Variants in ZBTB20 observed in about 807,000 individuals in gnomAD.
ZBTB20 encodes the protein zinc finger and BTB domain containing 20.
ZBTB20 carries 9 observed loss-of-function variants against 56.9 expected under a neutral mutation model. The observed-to-expected ratio is 0.16, with a 90% CI of 0.10 to 0.28. The LOEUF is 0.28. Among genes scored for constraint, ZBTB20 ranks in the 10% least tolerant of loss-of-function variants. ZBTB20 has a pLI of 1.00. For synonymous variants in ZBTB20, 417 were observed against 420.7 expected (o/e 0.99, Z 0.11); for missense variants, 655 against 1,003.0 (o/e 0.65, Z 4.69).
At chr3:114,721,680 G>A (rs1434347894) in intron 5 of ZBTB20, among the ~76,000 whole-genome samples, 3 of 152,122 alleles carry the variant, frequency 2.0e-5, no homozygotes, top group African/African-American at 7.2e-5. Context: ...TGACTCCAGA[G>A]CCTGTTCTCC....
chr3:114,441,421 A>C (rs571204901), intron 7 of ZBTB20, among the ~76,000 whole-genome samples: 1 of 152,140 alleles, frequency 6.6e-6, no homozygotes. Context: ...AATGTTTGCT[A>C]TGTGAAACTG....
At chr3:114,484,836 T>C (rs2041944771) in intron 7 of ZBTB20, among the ~76,000 whole-genome samples, 1 of 152,152 alleles carries the variant, frequency 6.6e-6, no homozygotes, top group African/African-American at 2.4e-5. Flanking sequence ...CATGTGTGTG[T>C]GTGCGTGAGT....
intron 6 of ZBTB20, among the ~76,000 whole-genome samples, chr3:114,662,467 G>A (rs1193405189): frequency 1.0e-4 from 15 of 146,124 alleles, no homozygotes; most frequent in Non-Finnish European, 1.5e-5. Flanking sequence ...CTAGATCCCT[G>A]AGGAATCGCC....
intron 1 of ZBTB20, among the ~76,000 whole-genome samples, chr3:115,145,826 T>C (rs1176465864): frequency 6.6e-6 from 1 of 152,218 alleles, no homozygotes; most frequent in Non-Finnish European, 1.5e-5. Flanking sequence ...TGTCTACAGC[T>C]ATTTATTTAT....
At position 114,380,865 on chromosome 3, in the gene ZBTB20, C is replaced by G. The variant is rs987321171; in HGVS notation, c.-78G>C. On this transcript the variant is annotated 5_prime_UTR_variant, in exon 9 of 12. Coordinates refer to ENST00000675478, the MANE Select transcript of ZBTB20 (RefSeq NM_001348800.3). The stretch of plus-strand genomic sequence containing the variant: ...CTGGGAGTCAGGAGACTTGAGCTAC[C>G]GTACTAGCTGTGCCTCTAACTTGCT... The G allele has an allele frequency of 3.0e-6, 4 of 1,345,314 alleles. No homozygotes were observed. The highest frequency in any genetic ancestry group is 1.9e-6 in the Non-Finnish European group (2 of 1,025,960). 83.3% of individuals were successfully genotyped at this position (1,345,314 alleles called of 1,614,324 possible).
At chr3:115,077,857 T>C (rs1560552769) in intron 1 of ZBTB20, among the ~76,000 whole-genome samples, 1 of 152,208 alleles carries the variant, frequency 6.6e-6, no homozygotes, top group East Asian at 1.9e-4. Flanking sequence ...AGAACTGTTA[T>C]ACAATTCAGA....
intron 2 of ZBTB20, among the ~76,000 whole-genome samples, chr3:115,056,479 C>A (rs2108457344): frequency 6.6e-6 from 1 of 152,188 alleles, no homozygotes; most frequent in Non-Finnish European, 1.5e-5. Flanking sequence ...ACATGATTTG[C>A]AAAGAGTCAT....
chr3:115,078,940 A>T (rs1282259819), intron 1 of ZBTB20, among the ~76,000 whole-genome samples: 1 of 152,166 alleles, frequency 6.6e-6, no homozygotes, highest in African/African-American at 2.4e-5. Context: ...ATTAGAGTTG[A>T]AGCTTAAAAG....
intron 1 of ZBTB20, among the ~76,000 whole-genome samples, chr3:115,103,634 G>A (rs1024903969): frequency 3.9e-5 from 6 of 152,274 alleles, no homozygotes; most frequent in South Asian, 2.1e-4. Context: ...GTGACGGAAC[G>A]ACTGGACGTC....
chr3:114,699,411 T>C (rs1239344014), intron 5 of ZBTB20, among the ~76,000 whole-genome samples: 2 of 152,012 alleles, frequency 1.3e-5, no homozygotes, highest in Admixed American at 1.3e-4. Flanking sequence ...ACACCAAGAA[T>C]GTACTGATTT....
chr3:114,920,581 A>C (rs2075918204), intron 3 of ZBTB20, among the ~76,000 whole-genome samples: 1 of 152,170 alleles, frequency 6.6e-6, no homozygotes, highest in South Asian at 2.1e-4. Context: ...AATCTTGCAT[A>C]TCTTTAAACA....
rs2078638368 is a variant in ZBTB20, at chr3:114,315,373, T to C, written c.*23632A>G. ...AGGTCTTTGTTCTGAAAAGACAATC[T>C]GGTTAGAAAAGTTGCCCTCCACTCA... On this transcript the variant is annotated 3_prime_UTR_variant, in exon 12 of 12. Coordinates refer to ENST00000675478, the MANE Select transcript of ZBTB20 (RefSeq NM_001348800.3). The C allele has an allele frequency of 6.6e-6, 1 of 152,174 alleles. No individual in the cohort carries two copies. The highest frequency in any genetic ancestry group is 2.4e-5 in the African/African-American group (1 of 41,438). 9.4% of individuals were successfully genotyped at this position (152,174 alleles called of 1,614,324 possible). A position where few individuals can be genotyped will look rare whatever the true frequency, so the allele number is the denominator to read the frequency against.
intron 6 of ZBTB20, among the ~76,000 whole-genome samples, chr3:114,618,560 A>G (rs1049866604): frequency 1.3e-5 from 2 of 152,166 alleles, no homozygotes; most frequent in Non-Finnish European, 2.9e-5. Context: ...ATCTGGCCCA[A>G]AAATATTTCT....
At chr3:114,782,944 T>G (rs955847538) in intron 5 of ZBTB20, among the ~76,000 whole-genome samples, 2 of 152,222 alleles carry the variant, frequency 1.3e-5, no homozygotes, top group Admixed American at 6.5e-5. Context: ...TATCCCTGTA[T>G]GGCAATCAGT....
intron 2 of ZBTB20, among the ~76,000 whole-genome samples, chr3:115,052,974 T>A (rs2081609571): frequency 6.6e-6 from 1 of 152,232 alleles, no homozygotes; most frequent in African/African-American, 2.4e-5. Flanking sequence ...GTCATTCAGT[T>A]TTTTGTACTC....
At chr3:114,627,530 C>T (rs544758601) in intron 6 of ZBTB20, among the ~76,000 whole-genome samples, 11 of 152,260 alleles carry the variant, frequency 7.2e-5, no homozygotes, top group Admixed American at 1.3e-4. Context: ...GCATACTTTA[C>T]TGTTAGAGAA....
chr3:114,914,557 C>T (rs1340110419), intron 3 of ZBTB20, among the ~76,000 whole-genome samples: 2 of 151,832 alleles, frequency 1.3e-5, no homozygotes, highest in Non-Finnish European at 2.9e-5. Flanking sequence ...AGCATTATTT[C>T]TTTCTCTTCT....
intron 4 of ZBTB20, among the ~76,000 whole-genome samples, chr3:114,870,846 C>T (rs2075977364): frequency 6.6e-6 from 1 of 152,048 alleles, no homozygotes; most frequent in Non-Finnish European, 1.5e-5. Context: ...TCCATCCCTT[C>T]TATCCCTTAT....
intron 10 of ZBTB20, among the ~76,000 whole-genome samples, chr3:114,373,209 T>G (rs1448894406): frequency 1.3e-5 from 2 of 152,226 alleles, no homozygotes; most frequent in Admixed American, 6.5e-5. Context: ...CCACTGCGCC[T>G]TGCCCCCTCA....
Sources: allele counts gnomAD v4.1 joint callset (sites outside exome capture counted in the v4.1 genomes callset), GRCh38; gene constraint gnomAD v4.1.1; transcripts MANE v1.5; gene names NCBI Gene and HGNC (gene_info 2026-07-23, HGNC 2026-07-21).